Variants in HDAC9 observed in about 807,000 individuals in gnomAD.
HDAC9 encodes the protein MEF-2 interacting transcription repressor (MITR) protein.
A neutral mutation model predicts 139.4 loss-of-function variants in HDAC9; 41 were observed. The ratio of observed to expected loss-of-function variants is 0.29; its 90% CI spans 0.23 to 0.38. The LOEUF (loss-of-function observed/expected upper bound fraction) is 0.38, where lower values mean the gene tolerates loss of function less well. Among genes scored for constraint, HDAC9 ranks in the 10% least tolerant of loss-of-function variants. The pLI is 1.00. For synonymous variants in HDAC9, 517 were observed against 476.2 expected, an observed-to-expected ratio of 1.09 and a Z score of -1.12; for missense variants, 1,147 against 1,297.0, an observed-to-expected ratio of 0.88 and a Z score of 1.78.
intron 1 of HDAC9, among the ~76,000 whole-genome samples, chr7:18,291,133 A>C (rs1287587494): frequency 2.0e-5 from 3 of 152,146 alleles, no homozygotes; most frequent in Admixed American, 6.6e-5. Context: ...AAATATGCCT[A>C]TTGTGAACAT....
At chr7:18,259,327 C>G (rs886559603) in intron 2 of HDAC9, among the ~76,000 whole-genome samples, 8 of 151,938 alleles carry the variant, frequency 5.3e-5, no homozygotes, top group African/African-American at 1.9e-4. Flanking sequence ...TGCCACCCCC[C>G]AATAAAAGTA....
chr7:18,495,423 T>A (rs1205653919), upstream of HDAC9, among the ~76,000 whole-genome samples: 3 of 152,108 alleles, frequency 2.0e-5, no homozygotes, highest in Admixed American at 2.0e-4. Flanking sequence ...ATTTTTTTTC[T>A]TGCCTTCCTT....
chr7:18,623,979 A>G (rs1003879001), intron 6 of HDAC9, among the ~76,000 whole-genome samples: 18 of 152,164 alleles, frequency 1.2e-4, no homozygotes, highest in East Asian at 5.8e-4. Context: ...GGTCTGGTCT[A>G]TTTGTGTCAG....
intron 1 of HDAC9, among the ~76,000 whole-genome samples, chr7:18,318,375 A>T (rs557865841): frequency 4.6e-4 from 70 of 152,316 alleles, no homozygotes; most frequent in African/African-American, 1.4e-3. Flanking sequence ...CAGCAACCAC[A>T]CCTCACACTT....
chr7:18,786,454 T>TTTCCTTCC (rs56987209), intron 16 of HDAC9, among the ~76,000 whole-genome samples: 1 of 52,204 alleles, frequency 1.9e-5, no homozygotes. Flanking sequence ...CCCATCGCCC[T>TTTCCTTCC]TTCCTTCCTT....
intron 12 of HDAC9, among the ~76,000 whole-genome samples, chr7:18,700,498 A>G (rs1783390915): frequency 6.6e-6 from 1 of 152,212 alleles, no homozygotes; most frequent in Non-Finnish European, 1.5e-5. Context: ...TGTTGGTAAC[A>G]GTTTTCAGTC....
At chr7:18,319,679 G>T (rs1054277359) in intron 1 of HDAC9, among the ~76,000 whole-genome samples, 1 of 152,158 alleles carries the variant, frequency 6.6e-6, no homozygotes, top group Admixed American at 6.5e-5. Context: ...CTAAATTTAA[G>T]AGGCACTTCT....
chr7:18,834,520 A>G (rs1260072327), intron 19 of HDAC9, among the ~76,000 whole-genome samples: 1 of 146,024 alleles, frequency 6.8e-6, no homozygotes, highest in Non-Finnish European at 1.5e-5. Context: ...GTCAAGTTTT[A>G]TATCAGGCTT....
chr7:18,871,924 A>G (rs139845950), intron 21 of HDAC9, among the ~76,000 whole-genome samples: 212 of 152,304 alleles, frequency 1.4e-3, no homozygotes, highest in African/African-American at 4.5e-3. Context: ...AAAATTGAGC[A>G]CATCTTTAGA....
intron 2 of HDAC9, among the ~76,000 whole-genome samples, chr7:18,186,370 A>G (rs1170853229): frequency 6.6e-6 from 1 of 152,234 alleles, no homozygotes; most frequent in Non-Finnish European, 1.5e-5. Context: ...TGAAGCTAAC[A>G]AGGAACAGGT....
intron 1 of HDAC9, among the ~76,000 whole-genome samples, chr7:18,107,536 A>T (rs1487189757): frequency 6.6e-6 from 1 of 152,154 alleles, no homozygotes; most frequent in African/African-American, 2.4e-5. Flanking sequence ...ACACGCACAC[A>T]CACACACAGA....
intron 1 of HDAC9, among the ~76,000 whole-genome samples, chr7:18,128,846 GTC>G (rs1273874085): frequency 6.6e-6 from 1 of 151,728 alleles, no homozygotes; most frequent in African/African-American, 2.4e-5. Flanking sequence ...CTCTCTTCCT[GTC>G]TCTCTTTTTT....
At chr7:18,619,377 A>G (rs1443191291) in intron 6 of HDAC9, among the ~76,000 whole-genome samples, 1 of 152,174 alleles carries the variant, frequency 6.6e-6, no homozygotes, top group Non-Finnish European at 1.5e-5. Context: ...TGTATTATTC[A>G]TTCAGCAACT....
At chr7:18,605,637 A>T (rs562661692) in intron 6 of HDAC9, among the ~76,000 whole-genome samples, 1 of 152,210 alleles carries the variant, frequency 6.6e-6, no homozygotes, top group Admixed American at 6.5e-5. Context: ...AGTAAAACCC[A>T]TGAAAATGTA....
At chr7:18,852,212 C>CA (rs550304363) in intron 21 of HDAC9, among the ~76,000 whole-genome samples, 37 of 152,300 alleles carry the variant, frequency 2.4e-4, no homozygotes, top group African/African-American at 8.9e-4. Context: ...AAGCATGTAA[C>CA]AGTCGGGGCT....
At chr7:18,244,043 C>G (rs956957494) in intron 2 of HDAC9, among the ~76,000 whole-genome samples, 1 of 152,148 alleles carries the variant, frequency 6.6e-6, no homozygotes, top group Non-Finnish European at 1.5e-5. Context: ...TAGACTGTTG[C>G]TGAATAGCCC....
chr7:18,784,225 A>ATCCTC (rs1791496133), intron 16 of HDAC9, among the ~76,000 whole-genome samples: 2 of 151,744 alleles, frequency 1.3e-5, no homozygotes, highest in South Asian at 2.1e-4. Context: ...CACCAAGGAA[A>ATCCTC]TCCTCTCCTC....
Position 18,840,790 on chromosome 7 carries a change from GTGAT to G in HDAC9, c.2684+4796_2684+4799del, listed in dbSNP as rs1401560791. Among the ~76,000 whole-genome samples, 3 of 152,172 alleles carry G rather than the reference GTGAT, an allele frequency of 2.0e-5. No individual in the cohort carries two copies. In the East Asian group the frequency reaches 5.8e-4, roughly 29 times the overall value. On this transcript the variant is annotated intron_variant, in intron 21 of 25. Coordinates refer to ENST00000686413, the MANE Select transcript of HDAC9 (RefSeq NM_178425.4). ...AATTAAAGTCCATTAATGCAAAATTGTGATTGGAAATCTGTCCAGATATCCTGTC... is the reference window on the plus strand; with the variant it reads ...AATTAAAGTCCATTAATGCAAAATTGTGGAAATCTGTCCAGATATCCTGTC...
intron 12 of HDAC9, among the ~76,000 whole-genome samples, chr7:18,715,483 G>A (rs1784634328): frequency 6.6e-6 from 1 of 152,104 alleles, no homozygotes; most frequent in Admixed American, 6.5e-5. Flanking sequence ...TCTTGAGTTA[G>A]ACATGCTTGG....
Sources: gnomAD v4.1 joint callset for allele counts (sites outside exome capture counted in the v4.1 genomes callset) on GRCh38, gnomAD v4.1.1 for gene constraint, MANE v1.5 for transcripts, NCBI Gene and HGNC (gene_info 2026-07-23, HGNC 2026-07-21) for gene names.